TRPM3: variants seen among roughly 807,000 people sequenced by gnomAD.
TRPM3 encodes long transient receptor potential channel 3.
In TRPM3, 77 loss-of-function variants were observed where a neutral mutation model predicts 181.2. The ratio of observed to expected loss-of-function variants is 0.42; its 90% CI spans 0.35 to 0.51. The LOEUF (loss-of-function observed/expected upper bound fraction) is 0.51, where lower values mean the gene tolerates loss of function less well. TRPM3 is among the 20% of genes least tolerant of loss of function. The pLI is 0.01. For missense variants in TRPM3, 1,759 were observed against 2,196.7 expected, an observed-to-expected ratio of 0.80 and a Z score of 3.98; for synonymous variants, 745 against 796.4, an observed-to-expected ratio of 0.94 and a Z score of 1.09.
At chr9:70,547,641 T>G (rs1008157270) in intron 25 of TRPM3, among the ~76,000 whole-genome samples, 2 of 152,028 alleles carry the variant, frequency 1.3e-5, no homozygotes, top group African/African-American at 2.4e-5. Flanking sequence ...GGTTTGTTTC[T>G]CTGGCACCTG....
At chr9:71,291,621 A>G (rs904577167) in intron 1 of TRPM3, among the ~76,000 whole-genome samples, 2 of 152,162 alleles carry the variant, frequency 1.3e-5, no homozygotes, top group African/African-American at 4.8e-5. Context: ...TTACCTATTG[A>G]TAAGTTATTT....
intron 1 of TRPM3, among the ~76,000 whole-genome samples, chr9:71,226,187 C>T (rs2080635169): frequency 6.7e-6 from 1 of 149,982 alleles, no homozygotes; most frequent in Non-Finnish European, 1.5e-5. Context: ...GCAATGGATA[C>T]ACAAAAAATA....
intron 1 of TRPM3, among the ~76,000 whole-genome samples, chr9:71,377,763 G>GA (rs2092701043): frequency 6.6e-6 from 1 of 151,730 alleles, no homozygotes; most frequent in South Asian, 2.1e-4. Context: ...CAGATAAAAA[G>GA]AAAAAAATAG....
chr9:70,968,547 T>C (rs948100926), intron 1 of TRPM3, among the ~76,000 whole-genome samples: 1 of 152,188 alleles, frequency 6.6e-6, no homozygotes, highest in African/African-American at 2.4e-5. Flanking sequence ...CACATTGTAT[T>C]GCTCCAGATC....
chr9:71,288,431 A>G (rs943559241), intron 1 of TRPM3, among the ~76,000 whole-genome samples: 7 of 152,112 alleles, frequency 4.6e-5, no homozygotes, highest in African/African-American at 1.7e-4. Context: ...AGGGAGACAA[A>G]CAGACAAAGT....
intron 1 of TRPM3, among the ~76,000 whole-genome samples, chr9:71,259,144 G>A (rs918106813): frequency 3.9e-5 from 6 of 152,040 alleles, no homozygotes; most frequent in Non-Finnish European, 8.8e-5. Context: ...AACATGTGAT[G>A]TTTGGTTTTC....
intron 1 of TRPM3, among the ~76,000 whole-genome samples, chr9:71,187,739 G>A (rs1266501006): frequency 6.6e-6 from 1 of 151,640 alleles, no homozygotes; most frequent in Non-Finnish European, 1.5e-5. Flanking sequence ...CCAAAAGCTG[G>A]CCACTCCTAA....
intron 1 of TRPM3, among the ~76,000 whole-genome samples, chr9:71,106,068 A>G (rs969435997): frequency 2.6e-5 from 4 of 152,172 alleles, no homozygotes; most frequent in Non-Finnish European, 5.9e-5. Context: ...CTTAAGTAGG[A>G]TACCTGTTAG....
chr9:71,342,201 A>G lies in TRPM3; in HGVS notation c.183+104452T>C, dbSNP rs568493228. On this transcript the variant is annotated intron_variant, in intron 1 of 24. Transcript: ENST00000357533. Reference sequence around the variant, plus strand: ...CTCCATAAAGTTTGGCACATTTGGAATGCCAAATGTGCCAAACTTTATGGA... The same window carrying G: ...CTCCATAAAGTTTGGCACATTTGGAGTGCCAAATGTGCCAAACTTTATGGA... Among the ~76,000 whole-genome samples the G allele has an allele frequency of 9.3e-4, 137 of 146,748 alleles. 1 individual carries two copies. Among genetic ancestry groups the G allele is most frequent in the South Asian group, 5.6e-3 (26 of 4,680 alleles).
At chr9:71,351,461 A>G (rs2091617568) in intron 1 of TRPM3, among the ~76,000 whole-genome samples, 1 of 152,270 alleles carries the variant, frequency 6.6e-6, no homozygotes, top group Non-Finnish European at 1.5e-5. Context: ...GCAAAAACTG[A>G]ATGATCGAAA....
At chr9:71,096,533 G>A (rs1198518630) in intron 1 of TRPM3, among the ~76,000 whole-genome samples, 1 of 143,730 alleles carries the variant, frequency 7.0e-6, no homozygotes, top group Non-Finnish European at 1.5e-5. Context: ...CCAAATGACT[G>A]TTGGAACCCC....
intron 1 of TRPM3, among the ~76,000 whole-genome samples, chr9:71,085,153 G>T (rs531478506): frequency 1.3e-5 from 2 of 151,990 alleles, no homozygotes; most frequent in African/African-American, 4.8e-5. Context: ...CGATTTAAAT[G>T]TAAGACCTCA....
chr9:70,566,197 TAGGA>T (rs2050535747), intron 22 of TRPM3, among the ~76,000 whole-genome samples: 1 of 151,396 alleles, frequency 6.6e-6, no homozygotes, highest in Non-Finnish European at 1.5e-5. Context: ...GAATACAGGG[TAGGA>T]AGGATCAGGT....
intron 3 of TRPM3, among the ~76,000 whole-genome samples, chr9:70,853,528 A>G (rs140928363): frequency 6.6e-6 from 1 of 152,362 alleles, no homozygotes; most frequent in East Asian, 1.9e-4. Flanking sequence ...AGTATTTTAC[A>G]TGGATATCCA....
At position 70,742,922 on chromosome 9, in the gene TRPM3, A is replaced by G. The variant is rs543448341; in HGVS notation, c.1272+18679T>C. Among the ~76,000 whole-genome samples the G allele has an allele frequency of 3.0e-4, 45 of 152,286 alleles. No homozygotes were observed. The South Asian group carries it at 8.9e-3, about 30-fold the overall frequency. Reference sequence around the variant, plus strand: ...AGTGGAACTATCATTCTTGACCACTATCTTTCCTTAGCCACCACAATCAAT... The same window carrying G: ...AGTGGAACTATCATTCTTGACCACTGTCTTTCCTTAGCCACCACAATCAAT... On this transcript the variant is annotated intron_variant, in intron 8 of 25. Transcript: ENST00000677713.
chr9:71,252,896 AG>A (rs1565387193), intron 1 of TRPM3, among the ~76,000 whole-genome samples: 1 of 127,060 alleles, frequency 7.9e-6, no homozygotes, highest in East Asian at 2.4e-4. Flanking sequence ...AATGTTGCCC[AG>A]GATGGTCTTG....
chr9:71,276,444 C>T (rs1484467532), intron 1 of TRPM3, among the ~76,000 whole-genome samples: 3 of 151,874 alleles, frequency 2.0e-5, no homozygotes, highest in Admixed American at 6.6e-5. Context: ...ACAAATATTA[C>T]TATGTAGCAT....
At chr9:71,325,498 A>T (rs1200176512) in intron 1 of TRPM3, among the ~76,000 whole-genome samples, 1 of 152,144 alleles carries the variant, frequency 6.6e-6, no homozygotes, top group Non-Finnish European at 1.5e-5. Flanking sequence ...CCAAGTGTCA[A>T]CTCTAGAGTT....
intron 1 of TRPM3, among the ~76,000 whole-genome samples, chr9:71,198,738 G>T (rs909929548): frequency 1.3e-5 from 2 of 150,990 alleles, no homozygotes; most frequent in East Asian, 1.9e-4. Context: ...CTGAGACTTT[G>T]CTGAAGTTGC....
Sources: gnomAD v4.1 joint callset for allele counts (sites outside exome capture counted in the v4.1 genomes callset) on GRCh38, gnomAD v4.1.1 for gene constraint, MANE v1.5 for transcripts, NCBI Gene and HGNC (gene_info 2026-07-23, HGNC 2026-07-21) for gene names.